B3GALT1: variants seen among roughly 807,000 people sequenced by gnomAD.
B3GALT1 encodes beta-1,3-galactosyltransferase 1, also known as UDP-Gal:betaGlcNAc beta 1,3-galactosyltransferase, polypeptide 1.
Under a neutral mutation model 23.2 loss-of-function variants are expected in B3GALT1, and 10 were observed. That is an observed-to-expected ratio of 0.43 (90% CI 0.27 to 0.73). The LOEUF is 0.73. B3GALT1 is among the 30% of genes least tolerant of loss of function. B3GALT1 has a pLI of 0.21. For synonymous variants in B3GALT1, 156 were observed against 141.5 expected, an observed-to-expected ratio of 1.10 and a Z score of -0.73; for missense variants, 299 against 405.4, an observed-to-expected ratio of 0.74 and a Z score of 2.25.
intron 1 of B3GALT1, among the ~76,000 whole-genome samples, chr2:167,454,021 T>A (rs2105321575): frequency 6.6e-6 from 1 of 152,120 alleles, no homozygotes; most frequent in East Asian, 1.9e-4. Flanking sequence ...ATCAGAGACA[T>A]ATTTAAAGCT....
intron 1 of B3GALT1, among the ~76,000 whole-genome samples, chr2:167,301,243 T>G (rs1352114026): frequency 1.3e-5 from 2 of 152,088 alleles, no homozygotes; most frequent in African/African-American, 4.8e-5. Context: ...ATGACTAAAT[T>G]AAGGAATAAG....
chr2:167,572,789 C>T (rs1684318919), intron 2 of B3GALT1, among the ~76,000 whole-genome samples: 1 of 151,696 alleles, frequency 6.6e-6, no homozygotes, highest in Non-Finnish European at 1.5e-5. Flanking sequence ...AAGGTGACTA[C>T]CTGGATGCCA....
At chr2:167,346,961 T>C (rs1334106408) in intron 1 of B3GALT1, among the ~76,000 whole-genome samples, 2 of 152,122 alleles carry the variant, frequency 1.3e-5, no homozygotes, top group Admixed American at 1.3e-4. Context: ...AGCCAAAAAA[T>C]TGTAAAAGTT....
At chr2:167,814,989 C>G (rs530570924) in intron 3 of B3GALT1, 1 of 152,172 alleles carries the variant, frequency 6.6e-6, no homozygotes, top group East Asian at 1.9e-4. Context: ...GGAAGAAGTG[C>G]GCACCACCAG....
chr2:167,385,306 C>T (rs922428), intron 1 of B3GALT1, among the ~76,000 whole-genome samples: 5 of 152,152 alleles, frequency 3.3e-5, no homozygotes, highest in South Asian at 2.1e-4. Context: ...AGAATTCTTC[C>T]TGAACCAGCT....
chr2:167,545,023 CTTTTTTTTTTTTTTTTTTTT>C (rs869066627), intron 2 of B3GALT1, among the ~76,000 whole-genome samples: 1 of 54,270 alleles, frequency 1.8e-5, no homozygotes. Context: ...GCTTGGGTGT[CTTTTTTTTTTTTTTTTTTTT>C]TTTTTTTTTT....
rs1438576789 is a variant in B3GALT1 at position 167,870,666 on chromosome 2, G to A, written c.*646G>A. On this transcript the variant is annotated 3_prime_UTR_variant, in exon 5 of 5. Transcript: ENST00000392690. ...ATTAAATCTGGTCAGCAGGTGGAATGTGTATAAAATGCTACTTAACAAAGT... is the reference window on the plus strand; with the variant it reads ...ATTAAATCTGGTCAGCAGGTGGAATATGTATAAAATGCTACTTAACAAAGT... The A allele has an allele frequency of 6.0e-6, 1 of 166,944 alleles. No individual in the cohort carries two copies. The highest frequency in any genetic ancestry group is 1.9e-4 in the East Asian group (1 of 5,192). 10.3% of individuals were successfully genotyped at this position (166,944 alleles called of 1,614,324 possible). A position where few individuals can be genotyped will look rare whatever the true frequency, so the allele number is the denominator to read the frequency against.
intron 1 of B3GALT1, among the ~76,000 whole-genome samples, chr2:167,442,448 C>G (rs540352705): frequency 7.2e-5 from 11 of 151,838 alleles, no homozygotes; most frequent in African/African-American, 9.7e-5. Context: ...CCTGAGGAAT[C>G]GCCACACTGA....
chr2:167,854,448 G>A (rs1574302932), intron 4 of B3GALT1, among the ~76,000 whole-genome samples: 2 of 152,304 alleles, frequency 1.3e-5, no homozygotes, highest in South Asian at 2.1e-4. Context: ...TAGTGGACAC[G>A]TTATTGCTTC....
At chr2:167,441,364 C>T (rs1296725084) in intron 1 of B3GALT1, among the ~76,000 whole-genome samples, 2 of 152,084 alleles carry the variant, frequency 1.3e-5, no homozygotes, top group African/African-American at 4.8e-5. Flanking sequence ...TATTTTTTTG[C>T]AGCCTTTTTA....
intron 3 of B3GALT1, among the ~76,000 whole-genome samples, chr2:167,726,872 C>T (rs1174081400): frequency 6.6e-6 from 1 of 152,206 alleles, no homozygotes; most frequent in East Asian, 1.9e-4. Context: ...GGCATCTGGC[C>T]TTTAATATCT....
chr2:167,436,464 T>C (rs927457232), intron 1 of B3GALT1, among the ~76,000 whole-genome samples: 5 of 152,144 alleles, frequency 3.3e-5, no homozygotes, highest in African/African-American at 4.8e-5. Context: ...CCAAAAATAA[T>C]ACCTACCCAT....
chr2:167,861,356 T>A (rs1690095778), intron 4 of B3GALT1, among the ~76,000 whole-genome samples: 1 of 152,228 alleles, frequency 6.6e-6, no homozygotes. Flanking sequence ...GAGAAGCATT[T>A]GTGCTTTGTT....
intron 3 of B3GALT1, among the ~76,000 whole-genome samples, chr2:167,783,776 C>A (rs1300220720): frequency 6.6e-6 from 1 of 152,138 alleles, no homozygotes; most frequent in Non-Finnish European, 1.5e-5. Context: ...AATGCCAAGT[C>A]CTGCAGTCAG....
chr2:167,567,345 T>C (rs1684190912), intron 2 of B3GALT1, among the ~76,000 whole-genome samples: 1 of 152,194 alleles, frequency 6.6e-6, no homozygotes. Flanking sequence ...GAGTTGTCTT[T>C]TATTATGCAT....
chr2:167,354,510 C>G (rs1169624549), intron 1 of B3GALT1, among the ~76,000 whole-genome samples: 1 of 152,072 alleles, frequency 6.6e-6, no homozygotes, highest in Non-Finnish European at 1.5e-5. Flanking sequence ...CCACGCCCAG[C>G]TAATTTTTGT....
intron 1 of B3GALT1, among the ~76,000 whole-genome samples, chr2:167,469,925 T>G (rs1195278658): frequency 6.6e-6 from 1 of 152,180 alleles, no homozygotes; most frequent in Non-Finnish European, 1.5e-5. Flanking sequence ...TAATAGCAAA[T>G]TGTATAAATT....
At chr2:167,615,408 T>C (rs6733068) in intron 2 of B3GALT1, among the ~76,000 whole-genome samples, 109,102 of 151,746 alleles carry the variant, frequency 0.72, 40,439 homozygotes, top group Admixed American at 0.84. Context: ...AGAGTAGGAA[T>C]TGGGGAGATA....
At chr2:167,340,285 A>G (rs915515778) in intron 1 of B3GALT1, among the ~76,000 whole-genome samples, 2 of 138,938 alleles carry the variant, frequency 1.4e-5, no homozygotes, top group Admixed American at 7.6e-5. Flanking sequence ...TTGCACCTTG[A>G]GGGAAGACCA....
Sources: allele counts gnomAD v4.1 joint callset (sites outside exome capture counted in the v4.1 genomes callset), GRCh38; gene constraint gnomAD v4.1.1; transcripts MANE v1.5; gene names NCBI Gene and HGNC (gene_info 2026-07-23, HGNC 2026-07-21).